Variants in MRPL34 observed in about 807,000 individuals in gnomAD.
MRPL34 encodes large ribosomal subunit protein bL34m.
MRPL34 carries 8 observed loss-of-function variants against 6.7 expected under a neutral mutation model. The ratio of observed to expected loss-of-function variants is 1.20; its 90% CI spans 0.70 to 2.16. The LOEUF is 2.16. Ranked by LOEUF, MRPL34 falls within the 30% of genes most tolerant of loss-of-function variation. The pLI, the probability that MRPL34 is intolerant of heterozygous loss-of-function variation, is 0.00. For synonymous variants in MRPL34, 59 were observed against 55.1 expected (o/e 1.07, Z -0.31); for missense variants, 146 against 125.5 (o/e 1.16, Z -0.78).
chr19:17,294,360 G>A (rs776978981), intron 1 of MRPL34: 2 of 1,613,620 alleles, frequency 1.2e-6, no homozygotes, highest in Non-Finnish European at 8.5e-7. Flanking sequence ...GGACGGGCAC[G>A]GTGAGCTCGG....
chr19:17,299,235 C>CA (rs1555720779), upstream of MRPL34, among the ~76,000 whole-genome samples: 5 of 10,804 alleles, frequency 4.6e-4, no homozygotes, highest in African/African-American at 2.1e-3. Flanking sequence ...CATAATGAGA[C>CA]CCCCCCCCCA....
At chr19:17,303,684 T>A (rs1321647244), upstream of MRPL34, among the ~76,000 whole-genome samples, 1 of 152,122 alleles carries the variant, frequency 6.6e-6, no homozygotes, top group South Asian at 2.1e-4. Flanking sequence ...GCCGGGGCCC[T>A]CTCTCTGCAA....
chr19:17,299,300 G>A (rs983518824), upstream of MRPL34, among the ~76,000 whole-genome samples: 3 of 147,118 alleles, frequency 2.0e-5, no homozygotes, highest in Admixed American at 6.9e-5. Flanking sequence ...GTTGGCTCAC[G>A]CCTGTAATCC....
At chr19:17,301,366 A>T, upstream of MRPL34, 1 of 1,610,900 alleles carries the variant, frequency 6.2e-7, no homozygotes. Flanking sequence ...ATTGCGGTAC[A>T]CGGTGATCCG....
intron 1 of MRPL34, 88 bp downstream of exon 1, chr19:17,306,045 C>T: frequency 1.3e-6 from 2 of 1,555,088 alleles, no homozygotes; most frequent in Non-Finnish European, 1.8e-6. Context: ...GCGTGACCTG[C>T]CAGTGCCTTG....
intron 1 of MRPL34, among the ~76,000 whole-genome samples, chr19:17,297,494 C>A (rs2074098186): frequency 6.6e-6 from 1 of 151,992 alleles, no homozygotes; most frequent in Non-Finnish European, 1.5e-5. Context: ...CGGGGTTTCA[C>A]CATTTTGGCC....
upstream of MRPL34, among the ~76,000 whole-genome samples, chr19:17,304,347 GTTTA>G (rs1341258926): frequency 6.6e-6 from 1 of 152,178 alleles, no homozygotes; most frequent in African/African-American, 2.4e-5. Flanking sequence ...CTGAGCCTCC[GTTTA>G]TTTCTCTATG....
chr19:17,304,496 G>A (rs1279259509), upstream of MRPL34, among the ~76,000 whole-genome samples: 1 of 152,230 alleles, frequency 6.6e-6, no homozygotes, highest in Admixed American at 6.5e-5. Context: ...GGTAGGATGG[G>A]CTTCGGAGGA....
In MRPL34 at chr19:17,306,354, A is replaced by T; in HGVS notation, c.254A>T (p.Lys85Met). Reference sequence around the variant, plus strand: ...CAGGTCATCCTTCGCCGAATGCTCAAGGGCCGCAAGTCGCTGAGCCATTGA... The same window carrying T: ...CAGGTCATCCTTCGCCGAATGCTCATGGGCCGCAAGTCGCTGAGCCATTGA... ...GVQVILRRML[K>M]GRKSLSH The change falls in exon 2 of 2, where the codon AAG (lysine) becomes ATG (methionine). Residue 85 changes from lysine (K) to methionine (M), a missense_variant. Physicochemically the swap from Lys to Met is moderately conservative, Grantham distance 95. Coordinates refer to ENST00000252602, the MANE Select transcript of MRPL34 (RefSeq NM_023937.4). 1.9e-6 allele frequency: 3 copies of T among 1,605,262 alleles called. No individual in the cohort carries two copies. The highest frequency in any genetic ancestry group is 2.5e-6 in the Non-Finnish European group (3 of 1,177,424).
upstream of MRPL34, among the ~76,000 whole-genome samples, chr19:17,302,402 C>T (rs1158636377): frequency 6.6e-6 from 1 of 152,172 alleles, no homozygotes; most frequent in Non-Finnish European, 1.5e-5. Flanking sequence ...AACTCACTAA[C>T]TCATCCAGGT....
chr19:17,301,165 G>T, upstream of MRPL34: 2 of 1,609,322 alleles, frequency 1.2e-6, no homozygotes, highest in Admixed American at 1.7e-5. Context: ...GGGGCGCCTG[G>T]CTCGCCGCCG....
chr19:17,301,654 TG>T (rs766340046), upstream of MRPL34: 27 of 1,510,502 alleles, frequency 1.8e-5, no homozygotes, highest in South Asian at 2.6e-4. Context: ...CCAGTTCAGG[TG>T]CTGTCTCAAT....
At chr19:17,292,586 T>C (rs2074075511), upstream of MRPL34, 4 of 1,467,460 alleles carry the variant, frequency 2.7e-6, no homozygotes, top group East Asian at 2.5e-5. Flanking sequence ...TGGTCTGCGC[T>C]GCAGACCTGG....
At chr19:17,295,538 C>G (rs1349685681) in intron 1 of MRPL34, among the ~76,000 whole-genome samples, 1 of 152,170 alleles carries the variant, frequency 6.6e-6, no homozygotes, top group African/African-American at 2.4e-5. Context: ...TCCCGAGTAG[C>G]TGGGAGTACA....
At chr19:17,299,235 C>CCCG (rs1555720781), upstream of MRPL34, among the ~76,000 whole-genome samples, 9 of 10,804 alleles carry the variant, frequency 8.3e-4, no homozygotes, top group African/African-American at 6.4e-3. Context: ...CATAATGAGA[C>CCCG]CCCCCCCCCA....
At chr19:17,299,109 T>C (rs1297865449), upstream of MRPL34, among the ~76,000 whole-genome samples, 1 of 152,072 alleles carries the variant, frequency 6.6e-6, no homozygotes, top group African/African-American at 2.4e-5. Context: ...TCTGATTACA[T>C]ATGCTAATGG....
At chr19:17,300,706 A>G (rs2074113344), upstream of MRPL34, 6 of 1,034,116 alleles carry the variant, frequency 5.8e-6, no homozygotes, top group South Asian at 8.3e-5. Context: ...CCGAACTCCC[A>G]ACCTCAGGTG....
At chr19:17,302,587 G>C (rs1205420038), upstream of MRPL34, among the ~76,000 whole-genome samples, 1 of 152,284 alleles carries the variant, frequency 6.6e-6, no homozygotes, top group African/African-American at 2.4e-5. Context: ...CCCCTAGACC[G>C]GGGTGAGCCG....
At chr19:17,301,130 C>T (rs1330047113), upstream of MRPL34, 2 of 1,612,892 alleles carry the variant, frequency 1.2e-6, no homozygotes, top group Non-Finnish European at 1.7e-6. Context: ...ATGCGCTTCT[C>T]ACAGTCAATA....
Sources: gnomAD v4.1 joint callset for allele counts (sites outside exome capture counted in the v4.1 genomes callset) on GRCh38, gnomAD v4.1.1 for gene constraint, MANE v1.5 for transcripts, NCBI Gene and HGNC (gene_info 2026-07-23, HGNC 2026-07-21) for gene names.